The following ARHGAP15 variants were observed in gnomAD, a reference collection of about 807,000 sequenced individuals.
ARHGAP15 encodes rho GTPase-activating protein 15.
ARHGAP15 carries 51 observed loss-of-function variants against 63.7 expected under a neutral mutation model. That is an observed-to-expected ratio of 0.80 (90% CI 0.64 to 1.01). ARHGAP15 has a LOEUF of 1.01. ARHGAP15 is among the 50% of genes least tolerant of loss of function. ARHGAP15 has a pLI of 0.00. For missense variants in ARHGAP15, 560 were observed against 564.6 expected (o/e 0.99, Z 0.08); for synonymous variants, 191 against 193.8 (o/e 0.99, Z 0.12).
intron 6 of ARHGAP15, among the ~76,000 whole-genome samples, chr2:143,257,539 G>T (rs1468493128): frequency 6.6e-6 from 1 of 152,040 alleles, no homozygotes; most frequent in Non-Finnish European, 1.5e-5. Context: ...ATAAATTCTG[G>T]GTTTTAGTCT....
At chr2:143,716,698 A>T (rs1053524031) in intron 13 of ARHGAP15, among the ~76,000 whole-genome samples, 1 of 152,250 alleles carries the variant, frequency 6.6e-6, no homozygotes, top group Non-Finnish European at 1.5e-5. Flanking sequence ...CCTGATTTCC[A>T]GTCCACTAAA....
At chr2:143,573,662 AG>A (rs1238538036) in intron 11 of ARHGAP15, among the ~76,000 whole-genome samples, 1 of 152,198 alleles carries the variant, frequency 6.6e-6, no homozygotes, top group East Asian at 1.9e-4. Flanking sequence ...TGACAGCACA[AG>A]GCACAAACCC....
chr2:143,249,350 T>G (rs1464168121), intron 5 of ARHGAP15, among the ~76,000 whole-genome samples: 2 of 152,126 alleles, frequency 1.3e-5, no homozygotes, highest in East Asian at 3.8e-4. Context: ...TGAAAAAGCC[T>G]ATTTATGTTG....
At chr2:143,534,141 C>T (rs992062974) in intron 10 of ARHGAP15, among the ~76,000 whole-genome samples, 24 of 152,146 alleles carry the variant, frequency 1.6e-4, no homozygotes, top group African/African-American at 4.8e-4. Flanking sequence ...GGGCTGGTTC[C>T]TCCATGCTGT....
chr2:143,436,950 T>C lies in ARHGAP15; in HGVS notation c.611T>C (p.Leu204Ser), dbSNP rs1424419983. The C allele has an allele frequency of 1.2e-5, 20 of 1,611,848 alleles. No homozygotes were observed. The highest frequency in any genetic ancestry group is 1.6e-5 in the Non-Finnish European group (19 of 1,179,322). Residue 204 changes from leucine to serine, a missense_variant, in exon 8 of 14, where the codon TTA (leucine) becomes TCA (serine). Transcript: ENST00000295095. ...DSSCPSRNLE[L>S]FKIQRSSSTE... ...AGTTGTCCATCAAGAAACCTGGAAT[T>C]ATTCAAAATCCAAAGATCCTCTAGC... is the stretch of plus-strand genomic sequence containing the variant.
At chr2:143,401,715 T>C (rs1452510831) in intron 6 of ARHGAP15, among the ~76,000 whole-genome samples, 1 of 152,126 alleles carries the variant, frequency 6.6e-6, no homozygotes, top group Non-Finnish European at 1.5e-5. Flanking sequence ...TAATTACTTA[T>C]ACCATCCTCG....
At chr2:143,264,737 G>A (rs1680904928) in intron 6 of ARHGAP15, among the ~76,000 whole-genome samples, 1 of 152,064 alleles carries the variant, frequency 6.6e-6, no homozygotes, top group Non-Finnish European at 1.5e-5. Flanking sequence ...ATTGATACAA[G>A]TAATATGTCT....
chr2:143,542,674 TATG>T (rs1351914916), intron 10 of ARHGAP15, among the ~76,000 whole-genome samples: 1 of 143,850 alleles, frequency 7.0e-6, no homozygotes, highest in African/African-American at 2.5e-5. Flanking sequence ...ATATGATATA[TATG>T]ATATGATATA....
chr2:143,279,196 T>C (rs1373626413), intron 6 of ARHGAP15, among the ~76,000 whole-genome samples: 3 of 152,170 alleles, frequency 2.0e-5, no homozygotes, highest in African/African-American at 4.8e-5. Context: ...ATCTCTTTTA[T>C]GGACTGTCCA....
intron 5 of ARHGAP15, among the ~76,000 whole-genome samples, chr2:143,248,133 AG>A (rs1161464037): frequency 6.6e-6 from 1 of 152,162 alleles, no homozygotes; most frequent in Non-Finnish European, 1.5e-5. Context: ...AGTTAGGAGG[AG>A]GGCTGCAGTG....
At chr2:143,504,971 G>A (rs62173064) in intron 9 of ARHGAP15, among the ~76,000 whole-genome samples, 3,630 of 152,284 alleles carry the variant, frequency 0.024, 68 homozygotes, top group Non-Finnish European at 0.035. Flanking sequence ...CCTGCATGGT[G>A]CACCTGATTT....
At chr2:143,501,474 T>A (rs1693054158) in intron 9 of ARHGAP15, among the ~76,000 whole-genome samples, 1 of 152,248 alleles carries the variant, frequency 6.6e-6, no homozygotes, top group Non-Finnish European at 1.5e-5. Context: ...TAGTTATAAA[T>A]CTGTTCACAT....
intron 12 of ARHGAP15, among the ~76,000 whole-genome samples, chr2:143,667,974 C>A (rs902050109): frequency 3.3e-5 from 5 of 151,762 alleles, no homozygotes; most frequent in African/African-American, 1.2e-4. Flanking sequence ...GGTGACAGAG[C>A]AAGACCCTGT....
intron 13 of ARHGAP15, among the ~76,000 whole-genome samples, chr2:143,759,050 A>G (rs1217265129): frequency 6.6e-6 from 1 of 152,202 alleles, no homozygotes; most frequent in African/African-American, 2.4e-5. Flanking sequence ...CTTTGTCATC[A>G]GAGCTGCCTG....
intron 6 of ARHGAP15, among the ~76,000 whole-genome samples, chr2:143,421,638 A>G (rs957967652): frequency 6.6e-6 from 1 of 152,006 alleles, no homozygotes. Flanking sequence ...GAAATCAATT[A>G]AAGAAAAAAA....
chr2:143,534,954 C>T (rs116678531), intron 10 of ARHGAP15, among the ~76,000 whole-genome samples: 192 of 151,984 alleles, frequency 1.3e-3, no homozygotes, highest in African/African-American at 4.2e-3. Context: ...TTGTACTCAC[C>T]TGAAAGAAAA....
intron 12 of ARHGAP15, among the ~76,000 whole-genome samples, chr2:143,680,472 G>A (rs1402626068): frequency 6.6e-6 from 1 of 152,216 alleles, no homozygotes; most frequent in South Asian, 2.1e-4. Flanking sequence ...AAATAAATGA[G>A]AGCAATCTTT....
chr2:143,422,724 T>C (rs1380520386), intron 6 of ARHGAP15, among the ~76,000 whole-genome samples: 2 of 152,014 alleles, frequency 1.3e-5, no homozygotes, highest in Admixed American at 1.3e-4. Context: ...GGAAGGTGGA[T>C]TTAAAGAACT....
intron 6 of ARHGAP15, among the ~76,000 whole-genome samples, chr2:143,301,130 G>A (rs1682876282): frequency 6.6e-6 from 1 of 151,746 alleles, no homozygotes; most frequent in African/African-American, 2.4e-5. Context: ...TGAATGAGAT[G>A]TTCCTGAAGT....
Sources: gnomAD v4.1 joint callset for allele counts (sites outside exome capture counted in the v4.1 genomes callset) on GRCh38, gnomAD v4.1.1 for gene constraint, MANE v1.5 for transcripts, NCBI Gene and HGNC (gene_info 2026-07-23, HGNC 2026-07-21) for gene names.